Variants in PTPN1 observed in about 807,000 individuals in gnomAD.
PTPN1 encodes the protein protein tyrosine phosphatase non-receptor type 1.
A neutral mutation model predicts 59.9 loss-of-function variants in PTPN1; 12 were observed. The ratio of observed to expected loss-of-function variants is 0.20; its 90% CI spans 0.13 to 0.32. PTPN1 has a LOEUF of 0.32. Among genes scored for constraint, PTPN1 ranks in the 10% least tolerant of loss-of-function variants. The pLI is 1.00. For missense variants in PTPN1, 356 were observed against 549.2 expected (o/e 0.65, Z 3.52); for synonymous variants, 178 against 203.6 (o/e 0.87, Z 1.07).
intron 5 of PTPN1, 113 bp downstream of exon 5, chr20:50,574,767 G>A (rs2082827864): frequency 4.4e-6 from 6 of 1,358,656 alleles, no homozygotes; most frequent in African/African-American, 3.0e-5. Flanking sequence ...TGTATACCCC[G>A]AGCAAGATGT....
intron 1 of PTPN1, among the ~76,000 whole-genome samples, chr20:50,531,224 C>T (rs549520228): frequency 1.1e-4 from 16 of 152,180 alleles, no homozygotes; most frequent in Non-Finnish European, 1.9e-4. Flanking sequence ...CTGCTTCTCT[C>T]GTTTAGACTG....
intron 1 of PTPN1, among the ~76,000 whole-genome samples, chr20:50,554,380 A>ATTCTCTCTCTATCTCTCTCTCTCTCTC (rs11481722): frequency 7.1e-6 from 1 of 140,200 alleles, no homozygotes; most frequent in East Asian, 2.2e-4. Context: ...GCAAGACCAC[A>ATTCTCTCTCTATCTCTCTCTCTCTCTC]TCTCTCTCTC....
intron 1 of PTPN1, among the ~76,000 whole-genome samples, chr20:50,557,445 G>GTA (rs2082730802): frequency 6.6e-6 from 1 of 152,058 alleles, no homozygotes; most frequent in African/African-American, 2.4e-5. Context: ...CATTATTAAG[G>GTA]TGGATGATTT....
At chr20:50,518,574 A>G (rs151134902) in intron 1 of PTPN1, among the ~76,000 whole-genome samples, 1 of 152,272 alleles carries the variant, frequency 6.6e-6, no homozygotes, top group African/African-American at 2.4e-5. Context: ...CTAAGAAGGT[A>G]CCCAGTGAAT....
chr20:50,563,601 C>T (rs1035052577), intron 2 of PTPN1, among the ~76,000 whole-genome samples: 2 of 152,176 alleles, frequency 1.3e-5, no homozygotes, highest in Non-Finnish European at 2.9e-5. Context: ...TACTAAGCCT[C>T]CATAATGAGA....
chr20:50,569,519 G>A (rs958093258), intron 4 of PTPN1, among the ~76,000 whole-genome samples: 3 of 152,116 alleles, frequency 2.0e-5, no homozygotes, highest in Admixed American at 2.0e-4. Flanking sequence ...GTCCTGTGTA[G>A]ACTGTCCTGT....
intron 1 of PTPN1, among the ~76,000 whole-genome samples, chr20:50,513,601 G>C (rs1413715263): frequency 1.3e-5 from 2 of 152,184 alleles, no homozygotes; most frequent in Non-Finnish European, 2.9e-5. Context: ...ATGAAGGCAA[G>C]ATTTATTCAT....
chr20:50,582,886 C>A lies in PTPN1; in HGVS notation c.*171C>A. 1.4e-6 allele frequency: 1 copy of A among 701,966 alleles called. No homozygotes were observed. The highest frequency in any genetic ancestry group is 1.8e-5 in the South Asian group (1 of 56,368). 43.5% of individuals were successfully genotyped at this position (701,966 alleles called of 1,614,324 possible). On this transcript the variant is annotated 3_prime_UTR_variant, in exon 10 of 10. Transcript: ENST00000371621. This position sits in a 1 kb window ranked among gnomAD's most constrained non-coding sequence, Gnocchi z 4.2. ...ACCCATCTTCCCCGGATGTGTGTCT[C>A]ACCCCTCATCCTTTTACTTTTTGCC...
At position 50,574,597 on chromosome 20, in the gene PTPN1, C is replaced by T. The variant is rs1260019156; in HGVS notation, c.435C>T (p.Ile145=). The T allele has an allele frequency of 2.5e-6, 4 of 1,607,464 alleles. No homozygotes were observed. The South Asian group carries it at 4.5e-5, about 18-fold the overall frequency. The change falls in exon 5 of 10, where the codon ATC becomes ATT. Residue 145 remains isoleucine, a synonymous_variant. Coordinates refer to ENST00000371621, the MANE Select transcript of PTPN1 (RefSeq NM_002827.4). ...ACACAAATTTGAAATTAACATTGAT[C>T]TCTGAAGATATCAAGTCATATTATA... ...FEDTNLKLTL[I]SEDIKSYYTV...
At chr20:50,526,918 T>G (rs1382236535) in intron 1 of PTPN1, among the ~76,000 whole-genome samples, 1 of 152,070 alleles carries the variant, frequency 6.6e-6, no homozygotes, top group Non-Finnish European at 1.5e-5. Context: ...AATCCCCCAG[T>G]ATTGAGCCCC....
intron 3 of PTPN1, among the ~76,000 whole-genome samples, chr20:50,566,340 G>A (rs968794407): frequency 7.2e-5 from 11 of 152,094 alleles, no homozygotes; most frequent in Admixed American, 6.5e-5. Context: ...ACCTGTTGTC[G>A]GGTGTATCAT....
At chr20:50,578,279 G>A (rs757710170) in intron 5 of PTPN1, 141 bp from the exon 6 acceptor site, 1 of 786,760 alleles carries the variant, frequency 1.3e-6, no homozygotes, top group South Asian at 1.6e-5. Flanking sequence ...TTGACTGGGT[G>A]TGTGGACCCT....
chr20:50,579,996 T>G (rs1045404281), intron 8 of PTPN1, 70 bp downstream of exon 8: 1 of 1,408,324 alleles, frequency 7.1e-7, no homozygotes. Context: ...CACACGCTGG[T>G]ACTGAAACCC....
At chr20:50,540,610 T>C (rs950668314) in intron 1 of PTPN1, among the ~76,000 whole-genome samples, 4 of 152,148 alleles carry the variant, frequency 2.6e-5, no homozygotes, top group African/African-American at 9.7e-5. Context: ...ACAAACCATG[T>C]CACTCAGGGA....
At chr20:50,556,948 A>C (rs112951045) in intron 1 of PTPN1, among the ~76,000 whole-genome samples, 98 of 152,352 alleles carry the variant, frequency 6.4e-4, no homozygotes, top group African/African-American at 2.3e-3. Context: ...GCTGTCCAAT[A>C]GACATATAAT....
chr20:50,571,056 A>G (rs1215653652), intron 4 of PTPN1: 5 of 152,260 alleles, frequency 3.3e-5, no homozygotes, highest in African/African-American at 4.8e-5. Context: ...TGCTTTAGCA[A>G]TTGTTGTCAC....
At chr20:50,511,207 T>TG (rs1166149853) in intron 1 of PTPN1, among the ~76,000 whole-genome samples, 1 of 152,150 alleles carries the variant, frequency 6.6e-6, no homozygotes, top group Non-Finnish European at 1.5e-5. Flanking sequence ...CTAGCCTTAG[T>TG]GGGGCCTAGA....
chr20:50,545,475 G>A (rs1210892150), intron 1 of PTPN1, among the ~76,000 whole-genome samples: 1 of 152,182 alleles, frequency 6.6e-6, no homozygotes, highest in Non-Finnish European at 1.5e-5. Context: ...TCCTAAATTA[G>A]CGCTATGTTA....
chr20:50,562,315 C>G lies in PTPN1; in HGVS notation c.154+862C>G, dbSNP rs888120354. Among the ~76,000 whole-genome samples, 9 of 152,250 alleles carry G rather than the reference C, an allele frequency of 5.9e-5. No homozygotes were observed. In the South Asian group the frequency reaches 1.7e-3, roughly 28 times the overall value. ...GCCCATGGCTGGGAGTGGTGGCTGTCATTGTTCTCTGCCAGAAGGGTTAGC... is the reference window on the plus strand; with the variant it reads ...GCCCATGGCTGGGAGTGGTGGCTGTGATTGTTCTCTGCCAGAAGGGTTAGC... On this transcript the variant is annotated intron_variant, in intron 2 of 9. Transcript: ENST00000371621.
Sources: allele counts gnomAD v4.1 joint callset (sites outside exome capture counted in the v4.1 genomes callset), GRCh38; gene constraint gnomAD v4.1.1; non-coding constraint Gnocchi (gnomAD v3.1); transcripts MANE v1.5; gene names NCBI Gene and HGNC (gene_info 2026-07-23, HGNC 2026-07-21).